Variants in PLD5 observed in about 807,000 individuals in gnomAD.
The protein encoded by PLD5 is phospholipase D family member 5.
A neutral mutation model predicts 61.1 loss-of-function variants in PLD5; 36 were observed. That is an observed-to-expected ratio of 0.59 (90% CI 0.45 to 0.78). The LOEUF (loss-of-function observed/expected upper bound fraction) is 0.78. PLD5 is among the 30% of genes least tolerant of loss of function. The pLI, the probability that PLD5 is intolerant of heterozygous loss-of-function variation, is 0.00. For missense variants in PLD5, 515 were observed against 644.4 expected, an observed-to-expected ratio of 0.80 and a Z score of 2.17; for synonymous variants, 243 against 242.8, an observed-to-expected ratio of 1.00 and a Z score of -0.01.
chr1:242,245,195 TA>T (rs1456503081), intron 4 of PLD5, among the ~76,000 whole-genome samples: 4 of 152,198 alleles, frequency 2.6e-5, no homozygotes, highest in Non-Finnish European at 4.4e-5. Flanking sequence ...TAGAGAAGGT[TA>T]ATTTAAAAGA....
chr1:242,228,436 T>C (rs539782618), intron 4 of PLD5, among the ~76,000 whole-genome samples: 1 of 152,292 alleles, frequency 6.6e-6, no homozygotes, highest in South Asian at 2.1e-4. Context: ...TGAAAACATG[T>C]AGTCTCTATT....
chr1:242,229,340 TTGA>T (rs1483608631), intron 4 of PLD5, among the ~76,000 whole-genome samples: 1 of 152,200 alleles, frequency 6.6e-6, no homozygotes, highest in African/African-American at 2.4e-5. Context: ...TTTAATATGT[TTGA>T]TGATAAAACA....
chr1:242,485,788 G>T (rs529525470), intron 1 of PLD5, among the ~76,000 whole-genome samples: 26 of 152,280 alleles, frequency 1.7e-4, no homozygotes, highest in African/African-American at 6.3e-4. Context: ...CAAAGCTGGA[G>T]GCATCATGCT....
intron 1 of PLD5, among the ~76,000 whole-genome samples, chr1:242,415,375 A>G (rs1232652144): frequency 6.6e-6 from 1 of 152,206 alleles, no homozygotes; most frequent in Non-Finnish European, 1.5e-5. Flanking sequence ...TCAATTACGG[A>G]ACATTCATAG....
rs1450538998 is a variant in PLD5, at chr1:242,393,748, G to A, written c.190-45506C>T. Among the ~76,000 whole-genome samples the A allele has an allele frequency of 8.8e-5, 13 of 147,250 alleles. 1 individual carries two copies. The Admixed American group carries it at 9.3e-4, about 11-fold the overall frequency. ...TATGTGTGTATATATGAGTATATAT[G>A]TGTGTATATGAGTATATAAGTATTT... On this transcript the variant is annotated intron_variant, in intron 1 of 9. Transcript: ENST00000536534.
chr1:242,472,691 A>G (rs1223366504), intron 1 of PLD5, among the ~76,000 whole-genome samples: 2 of 152,234 alleles, frequency 1.3e-5, no homozygotes, highest in East Asian at 3.8e-4. Context: ...ACTTGATCAA[A>G]TGACTAAAGT....
intron 1 of PLD5, among the ~76,000 whole-genome samples, chr1:242,409,629 G>T (rs1664433856): frequency 6.6e-6 from 1 of 152,150 alleles, no homozygotes; most frequent in Non-Finnish European, 1.5e-5. Flanking sequence ...AGGACAGGGG[G>T]CTCCAAACCC....
At chr1:242,368,494 C>T (rs1661461479) in intron 1 of PLD5, among the ~76,000 whole-genome samples, 4 of 152,170 alleles carry the variant, frequency 2.6e-5, no homozygotes, top group Admixed American at 2.6e-4. Flanking sequence ...AGTTGCCAAT[C>T]TGCAGTGAAA....
intron 9 of PLD5, among the ~76,000 whole-genome samples, chr1:242,100,107 C>G (rs1476922962): frequency 6.6e-6 from 1 of 152,188 alleles, no homozygotes; most frequent in South Asian, 2.1e-4. Flanking sequence ...CACATTTTGT[C>G]TCTTCTACAC....
At chr1:242,425,122 ACT>A (rs978899786) in intron 1 of PLD5, among the ~76,000 whole-genome samples, 8 of 151,900 alleles carry the variant, frequency 5.3e-5, no homozygotes, top group African/African-American at 1.5e-4. Flanking sequence ...GCAGAGCAAG[ACT>A]CTGTCTCCAA....
At chr1:242,447,641 A>G (rs563595819) in intron 1 of PLD5, among the ~76,000 whole-genome samples, 4 of 152,350 alleles carry the variant, frequency 2.6e-5, no homozygotes, top group Non-Finnish European at 5.9e-5. Context: ...ACAGTACTTA[A>G]TGAAAATAAC....
intron 1 of PLD5, among the ~76,000 whole-genome samples, chr1:242,382,128 C>CAAAAAA (rs34582650): frequency 8.0e-5 from 10 of 125,602 alleles, no homozygotes; most frequent in African/African-American, 2.1e-4. Flanking sequence ...ACTTTGACAG[C>CAAAAAA]AAAAAAAAAA....
At chr1:242,108,143 G>A (rs1007868842) in intron 7 of PLD5, among the ~76,000 whole-genome samples, 1 of 152,084 alleles carries the variant, frequency 6.6e-6, no homozygotes, top group African/African-American at 2.4e-5. Flanking sequence ...CATCTCTGAC[G>A]CTACCTGGGC....
chr1:242,323,182 A>G (rs1441582514), intron 2 of PLD5, among the ~76,000 whole-genome samples: 2 of 152,168 alleles, frequency 1.3e-5, no homozygotes, highest in Non-Finnish European at 2.9e-5. Context: ...AAAGGAAGAA[A>G]CTGAAAATAG....
chr1:242,375,881 G>A (rs951007713), intron 1 of PLD5, among the ~76,000 whole-genome samples: 1 of 152,084 alleles, frequency 6.6e-6, no homozygotes, highest in African/African-American at 2.4e-5. Flanking sequence ...GGTTGAAGTT[G>A]CACATCCCAA....
intron 9 of PLD5, among the ~76,000 whole-genome samples, chr1:242,092,068 T>C (rs1361974915): frequency 6.6e-6 from 1 of 152,052 alleles, no homozygotes; most frequent in Non-Finnish European, 1.5e-5. Context: ...CCTCAAGTGA[T>C]CCACCCATCT....
rs368519563 is a variant in PLD5 at position 242,091,048 on chromosome 1, C to T, written c.1355-938G>A. On this transcript the variant is annotated intron_variant, in intron 9 of 9. Coordinates refer to ENST00000536534, the MANE Select transcript of PLD5 (RefSeq NM_001372062.1). ...GATTACAGGCACGAGCCACTGTGCC[C>T]GACATCTCTATGACATTTTCTGTCT... is the stretch of plus-strand genomic sequence containing the variant. Among the ~76,000 whole-genome samples the T allele has an allele frequency of 6.6e-5, 10 of 152,050 alleles. No individual in the cohort carries two copies. In the East Asian group the frequency reaches 1.4e-3, roughly 21 times the overall value.
chr1:242,418,084 G>C (rs1265405602), intron 1 of PLD5, among the ~76,000 whole-genome samples: 1 of 152,094 alleles, frequency 6.6e-6, no homozygotes, highest in Non-Finnish European at 1.5e-5. Context: ...GTTTAAACTA[G>C]GATGTTGCAT....
intron 5 of PLD5, among the ~76,000 whole-genome samples, chr1:242,155,815 A>G (rs906708794): frequency 6.6e-5 from 10 of 152,184 alleles, no homozygotes; most frequent in African/African-American, 2.4e-4. Context: ...GCTGAGAAGC[A>G]TGTATATTCT....
Sources: gnomAD v4.1 joint callset for allele counts (sites outside exome capture counted in the v4.1 genomes callset) on GRCh38, gnomAD v4.1.1 for gene constraint, MANE v1.5 for transcripts, NCBI Gene and HGNC (gene_info 2026-07-23, HGNC 2026-07-21) for gene names.